Variants in GABRG3 observed in about 807,000 individuals in gnomAD.
The protein encoded by GABRG3 is gamma-aminobutyric acid type A receptor subunit gamma3.
GABRG3 carries 25 observed loss-of-function variants against 48.8 expected under a neutral mutation model. That is an observed-to-expected ratio of 0.51 (90% CI 0.37 to 0.72). The LOEUF (loss-of-function observed/expected upper bound fraction) is 0.72. Among genes scored for constraint, GABRG3 ranks in the 30% least tolerant of loss-of-function variants. The pLI, the probability that GABRG3 is intolerant of heterozygous loss-of-function variation, is 0.00. For synonymous variants in GABRG3, 227 were observed against 217.6 expected (o/e 1.04, Z -0.38); for missense variants, 394 against 577.9 (o/e 0.68, Z 3.26).
chr15:27,308,465 T>C (rs912462433), intron 3 of GABRG3, among the ~76,000 whole-genome samples: 2 of 147,570 alleles, frequency 1.4e-5, no homozygotes, highest in South Asian at 4.4e-4. Context: ...ACATACATGT[T>C]TATATATAAA....
intron 2 of GABRG3, among the ~76,000 whole-genome samples, chr15:27,023,818 A>G (rs1030569281): frequency 1.3e-5 from 2 of 152,240 alleles, no homozygotes; most frequent in African/African-American, 4.8e-5. Context: ...GTGTATACCC[A>G]GAAGTGGAAC....
At chr15:27,477,533 C>T (rs544747479) in intron 5 of GABRG3, among the ~76,000 whole-genome samples, 10 of 152,202 alleles carry the variant, frequency 6.6e-5, no homozygotes, top group Non-Finnish European at 7.4e-5. Context: ...ACCCATAGAA[C>T]GTGCAACACC....
intron 3 of GABRG3, among the ~76,000 whole-genome samples, chr15:27,306,870 G>T: frequency 1.2e-5 from 1 of 82,340 alleles, no homozygotes; most frequent in Non-Finnish European, 2.2e-5. Flanking sequence ...ATATAAACAT[G>T]TTTATATATA....
intron 7 of GABRG3, among the ~76,000 whole-genome samples, chr15:27,522,891 A>G (rs138411156): frequency 3.9e-4 from 59 of 152,026 alleles, no homozygotes; most frequent in Non-Finnish European, 5.8e-4. Flanking sequence ...AGTGTACACA[A>G]ACAAGCACAT....
At chr15:27,405,642 A>G (rs1405048352) in intron 5 of GABRG3, among the ~76,000 whole-genome samples, 1 of 152,216 alleles carries the variant, frequency 6.6e-6, no homozygotes, top group Non-Finnish European at 1.5e-5. Context: ...TGAAGAATTT[A>G]TGAGAATCCA....
At chr15:27,113,658 A>G (rs564694794) in intron 3 of GABRG3, among the ~76,000 whole-genome samples, 182 of 151,550 alleles carry the variant, frequency 1.2e-3, no homozygotes, top group African/African-American at 4.2e-3. Flanking sequence ...CAAGGACCCC[A>G]GCTTCCTGCT....
Position 27,352,945 on chromosome 15 carries a change from T to G in GABRG3, c.574+24057T>G, listed in dbSNP as rs1894676689. Among the ~76,000 whole-genome samples the G allele has an allele frequency of 1.3e-5, 2 of 152,114 alleles. No homozygotes were observed. Among genetic ancestry groups the G allele is most frequent in the African/African-American group, 4.8e-5 (2 of 41,392 alleles). On this transcript the variant is annotated intron_variant, in intron 5 of 9. Coordinates refer to ENST00000615808, the MANE Select transcript of GABRG3 (RefSeq NM_033223.5). This position sits in a 1 kb window ranked among gnomAD's most constrained non-coding sequence, Gnocchi z 4.0. ...CTGACAATGAGCCATTGAAAGCGAG[T>G]GGATCGTTTGATGGTTGGGTGTTAG...
In GABRG3 at chr15:26,976,241, C is replaced by T. The variant is rs1229857256; in HGVS notation, c.54-761C>T. On this transcript the variant is annotated intron_variant, in intron 1 of 9. Coordinates refer to ENST00000615808, the MANE Select transcript of GABRG3 (RefSeq NM_033223.5). The surrounding 1 kb of genome is among the most constrained non-coding windows in gnomAD (Gnocchi z 7.8). ...AGCTCCTCCCTGCACAAAACAAGCT[C>T]AGAGATGCCCAGGCATTCACTGAGA... is the stretch of plus-strand genomic sequence containing the variant. Among the ~76,000 whole-genome samples, 2 of 152,166 alleles carry T rather than the reference C, an allele frequency of 1.3e-5. No individual in the cohort carries two copies. Among genetic ancestry groups the T allele is most frequent in the East Asian group, 3.9e-4 (2 of 5,184 alleles).
chr15:27,212,775 A>C (rs1892511336), intron 3 of GABRG3, among the ~76,000 whole-genome samples: 1 of 152,194 alleles, frequency 6.6e-6, no homozygotes, highest in Admixed American at 6.5e-5. Context: ...TTCAGTCTCT[A>C]TGACTTTGAT....
intron 6 of GABRG3, among the ~76,000 whole-genome samples, chr15:27,501,011 G>A (rs1358123921): frequency 6.9e-6 from 1 of 144,086 alleles, no homozygotes; most frequent in African/African-American, 2.6e-5. Flanking sequence ...GAGTGCAGTG[G>A]CGCGATCTCG....
intron 5 of GABRG3, among the ~76,000 whole-genome samples, chr15:27,358,795 C>A (rs1034908663): frequency 8.5e-5 from 13 of 152,198 alleles, no homozygotes; most frequent in African/African-American, 3.1e-4. Context: ...AAAGCAAGGG[C>A]TTTTTGTTTT....
intron 1 of GABRG3, among the ~76,000 whole-genome samples, chr15:26,972,847 G>A (rs886467774): frequency 6.6e-6 from 1 of 152,182 alleles, no homozygotes; most frequent in East Asian, 1.9e-4. Flanking sequence ...TCTTTGCTGA[G>A]TTGAGTGTGG....
chr15:27,039,496 G>T (rs1896238026), intron 3 of GABRG3, among the ~76,000 whole-genome samples: 1 of 152,186 alleles, frequency 6.6e-6, no homozygotes, highest in Admixed American at 6.5e-5. Flanking sequence ...CTCAGCAGTT[G>T]TGTGTAAGGA....
At chr15:27,265,297 T>C (rs1014743206) in intron 3 of GABRG3, among the ~76,000 whole-genome samples, 1 of 152,116 alleles carries the variant, frequency 6.6e-6, no homozygotes, top group Non-Finnish European at 1.5e-5. Context: ...CAGTTGAAAA[T>C]GAAACGCAAA....
At chr15:27,033,615 G>C (rs1033891255) in intron 3 of GABRG3, among the ~76,000 whole-genome samples, 3 of 152,034 alleles carry the variant, frequency 2.0e-5, no homozygotes, top group Non-Finnish European at 2.9e-5. Context: ...GACACTAAAG[G>C]ATACGAATTA....
chr15:27,186,007 A>G (rs1038839042), intron 3 of GABRG3, among the ~76,000 whole-genome samples: 1 of 139,848 alleles, frequency 7.2e-6, no homozygotes, highest in African/African-American at 2.7e-5. Context: ...TAAATGTTGT[A>G]TTTAAATCTT....
intron 3 of GABRG3, among the ~76,000 whole-genome samples, chr15:27,287,008 G>A (rs1440198363): frequency 1.3e-5 from 2 of 152,140 alleles, no homozygotes; most frequent in African/African-American, 4.8e-5. Flanking sequence ...TTGTTAAGTG[G>A]AGTGTTCTAG....
At chr15:27,360,546 C>A (rs1894986642) in intron 5 of GABRG3, among the ~76,000 whole-genome samples, 1 of 152,146 alleles carries the variant, frequency 6.6e-6, no homozygotes, top group East Asian at 1.9e-4. Context: ...TAATAGACAA[C>A]CCATGGCTGT....
In GABRG3 at chr15:27,282,149, T is replaced by A. The variant is rs1891455287; in HGVS notation, c.271-44660T>A. On this transcript the variant is annotated intron_variant, in intron 3 of 9. Transcript: ENST00000615808. The stretch of plus-strand genomic sequence containing the variant: ...TTCTCTTCAGCTGCTTTCAATATTC[T>A]CCCTTGGTTTTGGTTTTCAGAAGCT... Among the ~76,000 whole-genome samples, 3 of 152,318 alleles carry A rather than the reference T, an allele frequency of 2.0e-5. No homozygotes were observed. In the South Asian group the frequency reaches 6.2e-4, roughly 32 times the overall value.
Sources: gnomAD v4.1 joint callset for allele counts (sites outside exome capture counted in the v4.1 genomes callset) on GRCh38, gnomAD v4.1.1 for gene constraint, Gnocchi (gnomAD v3.1) non-coding constraint, MANE v1.5 for transcripts, NCBI Gene and HGNC (gene_info 2026-07-23, HGNC 2026-07-21) for gene names.